Variants in PARVB observed in about 807,000 individuals in gnomAD.
PARVB encodes beta-parvin.
In PARVB, 46 loss-of-function variants were observed where a neutral mutation model predicts 47.0. The ratio of observed to expected loss-of-function variants is 0.98; its 90% CI spans 0.77 to 1.25. PARVB has a LOEUF of 1.25. Ranked by LOEUF, PARVB falls within the 50% of genes most tolerant of loss-of-function variation. PARVB has a pLI of 0.00. For missense variants in PARVB, 473 were observed against 471.6 expected, an observed-to-expected ratio of 1.00 and a Z score of -0.03; for synonymous variants, 196 against 196.3, an observed-to-expected ratio of 1.00 and a Z score of 0.01.
At chr22:44,167,263 G>C (rs1013445137) in intron 12 of PARVB, among the ~76,000 whole-genome samples, 1 of 152,204 alleles carries the variant, frequency 6.6e-6, no homozygotes, top group African/African-American at 2.4e-5. Context: ...TCGATGGTGG[G>C]GTGGGTGTTT....
chr22:44,140,181 G>A (rs2147184496), intron 8 of PARVB, 38 bp downstream of exon 8: 1 of 1,607,712 alleles, frequency 6.2e-7, no homozygotes, highest in South Asian at 1.1e-5. Context: ...ATGGAGGCAT[G>A]TTAGGGCTCC....
At chr22:44,091,166 G>A (rs1161321641) in intron 1 of PARVB, among the ~76,000 whole-genome samples, 3 of 152,104 alleles carry the variant, frequency 2.0e-5, no homozygotes, top group African/African-American at 7.2e-5. Flanking sequence ...ATTCAAGGAT[G>A]AGTGGTGCCT....
Position 44,038,666 on chromosome 22 carries a change from C to G in PARVB, c.112+14215C>G, listed in dbSNP as rs140169146. 4.8e-3 allele frequency among the ~76,000 whole-genome samples: 738 copies of G among 152,240 alleles called. 5 individuals carry two copies. Among genetic ancestry groups the G allele is most frequent in the African/African-American group, 0.017 (708 of 41,540 alleles). ...GCGTGATGGTGTACGCCTGTAATCC[C>G]AGCTACTCGGGAGGCTGAGGCAGGA... is the stretch of plus-strand genomic sequence containing the variant. On this transcript the variant is annotated intron_variant, in intron 1 of 12. Transcript: ENST00000338758.
intron 2 of PARVB, among the ~76,000 whole-genome samples, chr22:44,096,840 A>G (rs1042949178): frequency 6.6e-6 from 1 of 152,010 alleles, no homozygotes; most frequent in Non-Finnish European, 1.5e-5. Context: ...CCCACAAAAC[A>G]CTGGCACAGA....
chr22:44,045,960 A>G (rs1177076036), intron 1 of PARVB, among the ~76,000 whole-genome samples: 2 of 152,188 alleles, frequency 1.3e-5, no homozygotes, highest in Admixed American at 6.5e-5. Context: ...ACGAGCCACC[A>G]TTGGAATTTT....
intron 10 of PARVB, among the ~76,000 whole-genome samples, chr22:44,154,033 G>T (rs1425342689): frequency 6.6e-6 from 1 of 152,156 alleles, no homozygotes; most frequent in Admixed American, 6.5e-5. Flanking sequence ...GCTGTGTGGG[G>T]GCCCCTGGTA....
chr22:44,007,128 A>G (rs2050473405), intron 2 of PARVB, among the ~76,000 whole-genome samples: 3 of 152,248 alleles, frequency 2.0e-5, no homozygotes. Flanking sequence ...TTTGGGGGAC[A>G]GCGATCAAGC....
chr22:44,018,720 C>T (rs916394351), intron 2 of PARVB, among the ~76,000 whole-genome samples: 6 of 152,144 alleles, frequency 3.9e-5, no homozygotes, highest in African/African-American at 1.4e-4. Context: ...CCACCTCCTT[C>T]CTTGCACAAG....
At chr22:44,094,358 CGCCAT>C (rs1173573527) in intron 2 of PARVB, among the ~76,000 whole-genome samples, 11 of 151,258 alleles carry the variant, frequency 7.3e-5, no homozygotes, top group Middle Eastern at 6.8e-3. Flanking sequence ...TGCCATGCCA[CGCCAT>C]GCCACGCCAC....
chr22:44,002,644 A>G (rs5764455), intron 2 of PARVB, among the ~76,000 whole-genome samples: 89,753 of 151,960 alleles, frequency 0.59, 26,718 homozygotes, highest in South Asian at 0.68. Flanking sequence ...ACAGGAGAAC[A>G]CTGTAAAGAG....
At chr22:44,032,213 G>C (rs751574856) in intron 1 of PARVB, among the ~76,000 whole-genome samples, 4 of 152,288 alleles carry the variant, frequency 2.6e-5, no homozygotes, top group Admixed American at 6.5e-5. Flanking sequence ...ATTCAAATGA[G>C]AGCCTTCTCT....
At chr22:44,001,244 C>T (rs2050410466) in intron 2 of PARVB, among the ~76,000 whole-genome samples, 2 of 152,144 alleles carry the variant, frequency 1.3e-5, no homozygotes, top group African/African-American at 4.8e-5. Flanking sequence ...AGCGAGACTC[C>T]ATCTCAGAAA....
At chr22:44,119,850 C>T (rs773376581) in intron 4 of PARVB, 5 of 531,718 alleles carry the variant, frequency 9.4e-6, no homozygotes, top group East Asian at 5.4e-5. Flanking sequence ...GAGTAGAGGA[C>T]GCCGGCCTGG....
chr22:44,065,140 C>G (rs2051494160), intron 1 of PARVB, among the ~76,000 whole-genome samples: 2 of 152,108 alleles, frequency 1.3e-5, no homozygotes, highest in Non-Finnish European at 1.5e-5. Context: ...ACTGCTCCCC[C>G]AGTGCTCACT....
intron 3 of PARVB, chr22:44,112,470 C>A (rs912817627): frequency 6.5e-6 from 1 of 152,864 alleles, no homozygotes; most frequent in African/African-American, 2.4e-5. Flanking sequence ...CTGGCTGTCC[C>A]CTCTGCCTCC....
At chr22:44,115,046 A>C (rs2052841287) in intron 3 of PARVB, 1 of 95,184 alleles carries the variant, frequency 1.1e-5, no homozygotes, top group Admixed American at 8.9e-5. Flanking sequence ...ATTGTTACTA[A>C]GTAAGGCCCT....
At chr22:44,114,277 C>G (rs866291970) in intron 3 of PARVB, 2 of 154,038 alleles carry the variant, frequency 1.3e-5, no homozygotes, top group East Asian at 2.0e-4. Flanking sequence ...TGCACCAACA[C>G]AGATACATTG....
rs374010332 is a variant in PARVB at position 44,045,895 on chromosome 22, T to C, written c.112+21444T>C. Among the ~76,000 whole-genome samples the C allele has an allele frequency of 3.3e-5, 5 of 152,330 alleles. No homozygotes were observed. The South Asian group carries it at 8.3e-4, about 25-fold the overall frequency. The stretch of plus-strand genomic sequence containing the variant: ...TGTTCTTCAACCTTGTGTTGGCTAT[T>C]TGGGATCCCTCGAGATTCCGTATGA... On this transcript the variant is annotated intron_variant, in intron 1 of 12. Transcript: ENST00000338758.
At chr22:44,028,331 T>G (rs1044665578) in intron 1 of PARVB, among the ~76,000 whole-genome samples, 9 of 152,146 alleles carry the variant, frequency 5.9e-5, no homozygotes, top group Non-Finnish European at 8.8e-5. Context: ...TTTTGGTTTT[T>G]GTTTTTGTTT....
Sources: gnomAD v4.1 joint callset for allele counts (sites outside exome capture counted in the v4.1 genomes callset) on GRCh38, gnomAD v4.1.1 for gene constraint, MANE v1.5 for transcripts, NCBI Gene and HGNC (gene_info 2026-07-23, HGNC 2026-07-21) for gene names.